METTL15: variants seen among roughly 807,000 people sequenced by gnomAD.
METTL15 encodes 12S rRNA N(4)-cytidine methyltransferase METTL15.
In METTL15, 34 loss-of-function variants were observed where a neutral mutation model predicts 38.3. The observed-to-expected ratio is 0.89, with a 90% CI of 0.68 to 1.18. The LOEUF (loss-of-function observed/expected upper bound fraction) is 1.18, where lower values mean the gene tolerates loss of function less well. METTL15 is among the 50% of genes most tolerant of loss of function. The pLI, the probability that METTL15 is intolerant of heterozygous loss-of-function variation, is 0.00. For synonymous variants in METTL15, 162 were observed against 170.9 expected, an observed-to-expected ratio of 0.95 and a Z score of 0.41; for missense variants, 438 against 498.4, an observed-to-expected ratio of 0.88 and a Z score of 1.15.
At chr11:28,363,254 A>G (rs1286320242) in intron 5 of METTL15, among the ~76,000 whole-genome samples, 1 of 151,862 alleles carries the variant, frequency 6.6e-6, no homozygotes, top group African/African-American at 2.4e-5. Flanking sequence ...GCTCACTGCA[A>G]CCTCTGCCTC....
downstream of METTL15, among the ~76,000 whole-genome samples, chr11:28,528,839 G>A (rs1851828537): frequency 6.6e-6 from 1 of 152,094 alleles, no homozygotes; most frequent in African/African-American, 2.4e-5. Flanking sequence ...ACTTTTAATT[G>A]GTGAGCCATT....
chr11:28,353,580 T>C (rs1265105590), intron 4 of METTL15, among the ~76,000 whole-genome samples: 2 of 152,038 alleles, frequency 1.3e-5, no homozygotes, highest in Admixed American at 6.5e-5. Flanking sequence ...TGTGTAAAAA[T>C]TGGGGGCTTA....
intron 4 of METTL15, among the ~76,000 whole-genome samples, chr11:28,222,579 A>T (rs1052117185): frequency 1.3e-5 from 2 of 152,294 alleles, no homozygotes; most frequent in Admixed American, 1.3e-4. Flanking sequence ...CTGTCCTACA[A>T]TCCCCAGTGA....
At position 28,330,923 on chromosome 11, in the gene METTL15, A is replaced by G. The variant is rs1849799985; in HGVS notation, c.*82A>G. The G allele has an allele frequency of 4.8e-6, 5 of 1,050,486 alleles. No homozygotes were observed. The highest frequency in any genetic ancestry group is 5.6e-5 in the Admixed American group (2 of 35,456). The allele number at this position is 1,050,486 out of a possible 1,614,324, so 65.1% of individuals were successfully genotyped here. A position where few individuals can be genotyped will look rare whatever the true frequency, so the allele number is the denominator to read the frequency against. On this transcript the variant is annotated 3_prime_UTR_variant, in exon 7 of 7. Transcript: ENST00000407364. ...ATGTTATGTCCCTGAATGTCTTGGT[A>G]TAGGTTTAAGTGTGGGACAGTCTGA...
At chr11:28,346,946 T>TC (rs1167748911) in intron 3 of METTL15, among the ~76,000 whole-genome samples, 1 of 152,194 alleles carries the variant, frequency 6.6e-6, no homozygotes, top group African/African-American at 2.4e-5. Context: ...AGATTAGATG[T>TC]CCATGTTTAC....
chr11:28,313,521 T>C (rs868699391), intron 6 of METTL15, among the ~76,000 whole-genome samples: 2 of 152,068 alleles, frequency 1.3e-5, no homozygotes, highest in Middle Eastern at 6.8e-3. Context: ...TCTTTGTTTA[T>C]ATGTCATGGA....
intron 3 of METTL15, among the ~76,000 whole-genome samples, chr11:28,184,063 C>A (rs1851400332): frequency 6.6e-6 from 1 of 151,958 alleles, no homozygotes. Flanking sequence ...TTATGGTATT[C>A]TCTGATGGTA....
At chr11:28,497,470 GC>G (rs776435065) in intron 6 of METTL15, among the ~76,000 whole-genome samples, 1 of 152,160 alleles carries the variant, frequency 6.6e-6, no homozygotes, top group Non-Finnish European at 1.5e-5. Flanking sequence ...GAATTCAGAC[GC>G]TTTTTCTGTG....
intron 4 of METTL15, among the ~76,000 whole-genome samples, chr11:28,234,229 G>C (rs955787042): frequency 1.3e-5 from 2 of 151,960 alleles, no homozygotes; most frequent in Non-Finnish European, 2.9e-5. Flanking sequence ...GTTGGTTCCA[G>C]GTCTTTGCTA....
At chr11:28,328,125 A>G (rs375082621) in intron 6 of METTL15, 1 of 1,611,752 alleles carries the variant, frequency 6.2e-7, no homozygotes, top group Non-Finnish European at 8.5e-7. Flanking sequence ...CCAGTGGCCC[A>G]AACTCTTTAT....
At chr11:28,308,892 G>GTAGATAGATAGATAGA (rs68044190) in intron 6 of METTL15, among the ~76,000 whole-genome samples, 2,871 of 146,966 alleles carry the variant, frequency 0.02, 38 homozygotes, top group Admixed American at 0.028. Context: ...AGGTAGGTAG[G>GTAGATAGATAGATAGA]TAGATAGATA....
rs148639224 is a variant in METTL15, at chr11:28,322,861, A to G, written c.779-7535A>G. Among the ~76,000 whole-genome samples the G allele has an allele frequency of 1.8e-4, 27 of 152,318 alleles. 1 individual carries two copies. Among genetic ancestry groups the G allele is most frequent in the African/African-American group, 5.8e-4 (24 of 41,586 alleles). On this transcript the variant is annotated intron_variant, in intron 6 of 6. Coordinates refer to ENST00000407364, the MANE Select transcript of METTL15 (RefSeq NM_001113528.2). ...GTGAGCTCCACAAGAGACCACTTCTATCTTATTTACTATTGTGTTTCCAGT... is the reference window on the plus strand; with the variant it reads ...GTGAGCTCCACAAGAGACCACTTCTGTCTTATTTACTATTGTGTTTCCAGT...
intron 6 of METTL15, among the ~76,000 whole-genome samples, chr11:28,456,418 G>C (rs754946154): frequency 6.6e-6 from 1 of 151,712 alleles, no homozygotes; most frequent in Non-Finnish European, 1.5e-5. Flanking sequence ...AGCCCCCAGG[G>C]TTGTTTTTTT....
chr11:28,144,772 G>T (rs1346393292), intron 3 of METTL15: 5 of 152,836 alleles, frequency 3.3e-5, no homozygotes, highest in Non-Finnish European at 7.4e-5. Context: ...TTTCTTTTGA[G>T]TAACAGTCAT....
intron 6 of METTL15, among the ~76,000 whole-genome samples, chr11:28,483,822 T>C (rs1851416604): frequency 1.3e-5 from 2 of 152,194 alleles, no homozygotes; most frequent in South Asian, 4.1e-4. Flanking sequence ...GCTAATAGTG[T>C]TTGTTTTCAG....
At chr11:28,181,259 A>AGT (rs1851272918) in intron 3 of METTL15, among the ~76,000 whole-genome samples, 1 of 133,798 alleles carries the variant, frequency 7.5e-6, no homozygotes, top group Admixed American at 8.2e-5. Context: ...TTAATTTTTA[A>AGT]TTTTTTTTTT....
At chr11:28,122,323 A>ATG (rs1256401479) in intron 3 of METTL15, 7 of 245,710 alleles carry the variant, frequency 2.8e-5, no homozygotes, top group Admixed American at 6.5e-5. Flanking sequence ...TAGTATATAG[A>ATG]TGTGTGTATA....
In METTL15 at chr11:28,332,079, A is replaced by C. The variant is rs1231079249; in HGVS notation, c.*1238A>C. On this transcript the variant is annotated 3_prime_UTR_variant, in exon 7 of 7. Transcript: ENST00000407364. ...AAATATCAGCATAACTATGTGGGCA[A>C]AATAGATAGAATTAAATGCATGAAT... The C allele has an allele frequency of 6.7e-6, 1 of 149,364 alleles. No homozygotes were observed. The highest frequency in any genetic ancestry group is 1.5e-5 in the Non-Finnish European group (1 of 67,836). 9.3% of individuals were successfully genotyped at this position (149,364 alleles called of 1,614,324 possible). A position where few individuals can be genotyped will look rare whatever the true frequency, so the allele number is the denominator to read the frequency against.
downstream of METTL15, among the ~76,000 whole-genome samples, chr11:28,334,357 G>C (rs1849881431): frequency 6.6e-6 from 1 of 151,762 alleles, no homozygotes; most frequent in Admixed American, 6.6e-5. Context: ...ATTAAAAATT[G>C]CTTCTGGTTA....
Sources: gnomAD v4.1 joint callset for allele counts (sites outside exome capture counted in the v4.1 genomes callset) on GRCh38, gnomAD v4.1.1 for gene constraint, MANE v1.5 for transcripts, NCBI Gene and HGNC (gene_info 2026-07-23, HGNC 2026-07-21) for gene names.